Variants in SLC39A12 observed in about 807,000 individuals in gnomAD.
SLC39A12 encodes the protein zinc transporter ZIP12.
Under a neutral mutation model 71.1 loss-of-function variants are expected in SLC39A12, and 63 were observed. The ratio of observed to expected loss-of-function variants is 0.89; its 90% CI spans 0.72 to 1.09. SLC39A12 has a LOEUF of 1.09. Ranked by LOEUF, SLC39A12 falls within the 50% of genes least tolerant of loss-of-function variation. The pLI is 0.00. For synonymous variants in SLC39A12, 351 were observed against 301.3 expected, an observed-to-expected ratio of 1.16 and a Z score of -1.71; for missense variants, 892 against 812.6, an observed-to-expected ratio of 1.10 and a Z score of -1.19.
intron 3 of SLC39A12, among the ~76,000 whole-genome samples, chr10:17,962,663 G>C (rs1279435437): frequency 2.0e-5 from 3 of 151,314 alleles, no homozygotes; most frequent in African/African-American, 7.3e-5. Context: ...TTTAGTTCCT[G>C]CTCTCAATTC....
intron 12 of SLC39A12, among the ~76,000 whole-genome samples, chr10:18,013,296 C>A (rs1056002284): frequency 2.0e-5 from 3 of 150,228 alleles, no homozygotes; most frequent in African/African-American, 7.3e-5. Context: ...TGGGTCTGAT[C>A]CATTTTAAGT....
chr10:17,985,007 T>G (rs568565883), intron 6 of SLC39A12, among the ~76,000 whole-genome samples: 2 of 152,330 alleles, frequency 1.3e-5, no homozygotes, highest in South Asian at 4.1e-4. Context: ...AGTAAAGTCC[T>G]CTTAATATCA....
intron 9 of SLC39A12, 21 bp downstream of exon 9, chr10:17,993,312 A>C (rs1422414559): frequency 1.4e-6 from 2 of 1,429,064 alleles, no homozygotes; most frequent in East Asian, 5.0e-5. Flanking sequence ...GATCTGAAGC[A>C]TTCTACTGAT....
At chr10:17,952,896 T>G (rs1028062933) in intron 1 of SLC39A12, among the ~76,000 whole-genome samples, 2 of 152,222 alleles carry the variant, frequency 1.3e-5, no homozygotes, top group Admixed American at 1.3e-4. Context: ...AAACATAAGG[T>G]GTTTCCCAAC....
At chr10:18,030,906 T>G (rs1836829275) in intron 12 of SLC39A12, among the ~76,000 whole-genome samples, 1 of 150,490 alleles carries the variant, frequency 6.6e-6, no homozygotes, top group Non-Finnish European at 1.5e-5. Context: ...TGTTTGGTTT[T>G]TTGTTCTTGC....
intron 12 of SLC39A12, among the ~76,000 whole-genome samples, chr10:18,014,912 GT>G (rs1836332895): frequency 6.6e-6 from 1 of 152,142 alleles, no homozygotes; most frequent in African/African-American, 2.4e-5. Flanking sequence ...ATGGTTTCAT[GT>G]TTCTAACTAT....
At chr10:17,985,832 T>C (rs998167885) in intron 6 of SLC39A12, among the ~76,000 whole-genome samples, 1 of 152,252 alleles carries the variant, frequency 6.6e-6, no homozygotes, top group South Asian at 2.1e-4. Context: ...AATTATACTT[T>C]ATAAATATTT....
chr10:18,022,528 G>A (rs1444586304), intron 12 of SLC39A12, among the ~76,000 whole-genome samples: 2 of 151,864 alleles, frequency 1.3e-5, no homozygotes, highest in East Asian at 1.9e-4. Flanking sequence ...TCATTCTCTT[G>A]AATCATTTTA....
intron 2 of SLC39A12, among the ~76,000 whole-genome samples, chr10:17,958,463 T>C (rs1489849848): frequency 2.0e-5 from 3 of 152,204 alleles, no homozygotes; most frequent in Non-Finnish European, 4.4e-5. Flanking sequence ...GCCACCTAAC[T>C]GACCTCTACT....
Position 18,025,487 on chromosome 10 carries a change from G to C in SLC39A12, c.1948-17218G>C, listed in dbSNP as rs1478653713. Among the ~76,000 whole-genome samples, 6 of 152,032 alleles carry C rather than the reference G, an allele frequency of 3.9e-5. No individual in the cohort carries two copies. In the South Asian group the frequency reaches 1.2e-3, roughly 32 times the overall value. On this transcript the variant is annotated intron_variant, in intron 12 of 12. Transcript: ENST00000377369. Reference sequence around the variant, plus strand: ...CTACGAGTGAGAACATGCGGTGTTTGGTTTTTTGTCCTTGCGATAGTTTGC... The same window carrying C: ...CTACGAGTGAGAACATGCGGTGTTTCGTTTTTTGTCCTTGCGATAGTTTGC...
chr10:17,964,920 A>G (rs1361067384), intron 3 of SLC39A12, among the ~76,000 whole-genome samples: 1 of 152,218 alleles, frequency 6.6e-6, no homozygotes, highest in Non-Finnish European at 1.5e-5. Flanking sequence ...TTAAGAGGAT[A>G]GTCAGGCTGG....
intron 7 of SLC39A12, among the ~76,000 whole-genome samples, chr10:17,988,858 C>T (rs1835471259): frequency 6.6e-6 from 1 of 152,186 alleles, no homozygotes; most frequent in African/African-American, 2.4e-5. Flanking sequence ...CCTTTCACCC[C>T]TAAGGTTGGC....
chr10:18,015,258 G>A (rs74118081), intron 12 of SLC39A12, among the ~76,000 whole-genome samples: 10,444 of 152,064 alleles, frequency 0.069, 942 homozygotes, highest in African/African-American at 0.21. Flanking sequence ...TGGAAAGACT[G>A]TTACATGTCT....
At chr10:18,021,777 A>G (rs1362270791) in intron 12 of SLC39A12, among the ~76,000 whole-genome samples, 1 of 152,148 alleles carries the variant, frequency 6.6e-6, no homozygotes, top group African/African-American at 2.4e-5. Context: ...ATTTCCATTT[A>G]GCACTTCCTT....
At chr10:17,964,587 A>G (rs1834774007) in intron 3 of SLC39A12, among the ~76,000 whole-genome samples, 2 of 152,356 alleles carry the variant, frequency 1.3e-5, no homozygotes, top group African/African-American at 2.4e-5. Flanking sequence ...AGAGCTTTTC[A>G]CATGCTTATA....
intron 10 of SLC39A12, among the ~76,000 whole-genome samples, chr10:17,997,634 C>T (rs1381184894): frequency 1.3e-5 from 2 of 152,150 alleles, no homozygotes; most frequent in Admixed American, 6.5e-5. Flanking sequence ...TACTTCCTGT[C>T]GAGCTTGGCA....
chr10:18,041,817 G>GTATA (rs1564668509), intron 12 of SLC39A12, among the ~76,000 whole-genome samples: 67 of 129,892 alleles, frequency 5.2e-4, no homozygotes, highest in Admixed American at 8.4e-4. Context: ...ATATGTATAC[G>GTATA]TATATGTATG....
intron 12 of SLC39A12, among the ~76,000 whole-genome samples, chr10:18,042,063 TATAAGCCTA>T (rs2130914919): frequency 6.6e-6 from 1 of 152,202 alleles, no homozygotes; most frequent in East Asian, 1.9e-4. Context: ...ATAGTAGTTC[TATAAGCCTA>T]ATAGAACAGT....
intron 12 of SLC39A12, among the ~76,000 whole-genome samples, chr10:18,039,545 T>C (rs1478367617): frequency 2.0e-5 from 3 of 152,110 alleles, no homozygotes; most frequent in South Asian, 2.1e-4. Flanking sequence ...CTAGGCAACA[T>C]AGCAAGACCT....
Sources: gnomAD v4.1 joint callset for allele counts (sites outside exome capture counted in the v4.1 genomes callset) on GRCh38, gnomAD v4.1.1 for gene constraint, MANE v1.5 for transcripts, NCBI Gene and HGNC (gene_info 2026-07-23, HGNC 2026-07-21) for gene names.